TAPT1: variants seen among roughly 807,000 people sequenced by gnomAD.
TAPT1 encodes transmembrane anterior posterior transformation protein 1 homolog.
In TAPT1, 28 loss-of-function variants were observed where a neutral mutation model predicts 65.6. The observed-to-expected ratio is 0.43, with a 90% CI of 0.32 to 0.59. The LOEUF (loss-of-function observed/expected upper bound fraction) is 0.59. TAPT1 is among the 20% of genes least tolerant of loss of function. TAPT1 has a pLI of 0.09. For synonymous variants in TAPT1, 278 were observed against 245.2 expected, an observed-to-expected ratio of 1.13 and a Z score of -1.25; for missense variants, 563 against 679.9, an observed-to-expected ratio of 0.83 and a Z score of 1.91.
chr4:16,174,539 G>A (rs540988903), intron 10 of TAPT1, 131 bp downstream of exon 10: 1 of 782,408 alleles, frequency 1.3e-6, no homozygotes, highest in East Asian at 2.8e-5. Context: ...ATTTAGTGTT[G>A]AGAATAGAGA....
chr4:16,186,778 T>C lies in TAPT1; in HGVS notation c.846+3A>G. 1 of 1,574,516 alleles carries C rather than the reference T, an allele frequency of 6.4e-7. No individual in the cohort carries two copies. The highest frequency in any genetic ancestry group is 8.7e-7 in the Non-Finnish European group (1 of 1,145,996). ...AAAAATGTAAGATAAATCTCATACT[T>C]ACATTATTAGACATCATGATAGTAA... is the stretch of plus-strand genomic sequence containing the variant. On this transcript the variant is annotated splice_donor_region_variant and intron_variant, in intron 6 of 13. Coordinates refer to ENST00000405303, the MANE Select transcript of TAPT1 (RefSeq NM_153365.3).
At chr4:16,181,557 A>G (rs317874) in intron 7 of TAPT1, among the ~76,000 whole-genome samples, 57,688 of 152,066 alleles carry the variant, frequency 0.38, 11,154 homozygotes, top group Middle Eastern at 0.53. Flanking sequence ...ATCTCATTAA[A>G]GGTGTATTTA....
At chr4:16,211,297 T>A (rs1750642090) in intron 2 of TAPT1, among the ~76,000 whole-genome samples, 1 of 152,094 alleles carries the variant, frequency 6.6e-6, no homozygotes, top group South Asian at 2.1e-4. Flanking sequence ...CAATAAAAAA[T>A]TATTTAGGTT....
rs149602110 is a variant in TAPT1, at chr4:16,171,933, C to T, written c.1237-1204G>A. On this transcript the variant is annotated intron_variant, in intron 11 of 13. Transcript: ENST00000405303. ...AAAATCATTTTACGACCCAATGTAA[C>T]GCTTAGAAGAAAAAATTGCCATCCT... Among the ~76,000 whole-genome samples, 518 of 152,060 alleles carry T rather than the reference C, an allele frequency of 3.4e-3. 1 individual carries two copies. The highest frequency in any genetic ancestry group is 9.6e-3 in the African/African-American group (396 of 41,450).
chr4:16,207,054 CAT>C (rs1456457426), intron 2 of TAPT1, among the ~76,000 whole-genome samples: 1 of 152,182 alleles, frequency 6.6e-6, no homozygotes, highest in Non-Finnish European at 1.5e-5. Context: ...GATTCTGAGA[CAT>C]GTGGATCCCT....
intron 9 of TAPT1, 197 bp from the exon 10 acceptor site, chr4:16,174,926 A>C: frequency 2.2e-6 from 1 of 445,614 alleles, no homozygotes; most frequent in Non-Finnish European, 4.0e-6. Flanking sequence ...CCGAACTGTT[A>C]ACATTCATAG....
rs2149664663 is a variant in TAPT1, at chr4:16,166,746, G to A, written c.1361C>T (p.Ser454Leu). The A allele has an allele frequency of 1.2e-6, 2 of 1,613,856 alleles. No individual in the cohort carries two copies. The highest frequency in any genetic ancestry group is 1.7e-6 in the Non-Finnish European group (2 of 1,179,864). The change falls in exon 13 of 14, where the codon TCG becomes TTG. Residue 454 changes from serine (S) to leucine (L), a missense_variant. Around this residue, in one of 5 missense-constraint regions of TAPT1, gnomAD observed 136 missense variants for 153.9 expected, o/e 0.88. Transcript: ENST00000405303. The part of the protein sequence containing the change: ...VLNSIVLLGK[S>L]CQYVKEAKME... ...TTTGGCTTCCTTCACATACTGGCAC[G>A]ATTTCCCCAACAGCACGATGCTATT...
intron 12 of TAPT1, among the ~76,000 whole-genome samples, chr4:16,167,118 C>T (rs1747692982): frequency 6.6e-6 from 1 of 151,646 alleles, no homozygotes; most frequent in South Asian, 2.1e-4. Flanking sequence ...CTCAGCCTCC[C>T]AAGTAGCTGG....
chr4:16,197,715 G>C (rs1749799833), intron 3 of TAPT1, among the ~76,000 whole-genome samples: 1 of 152,164 alleles, frequency 6.6e-6, no homozygotes, highest in African/African-American at 2.4e-5. Context: ...TGTTTTATAT[G>C]TCATGAATCA....
chr4:16,207,936 C>T (rs1304442685), intron 2 of TAPT1, among the ~76,000 whole-genome samples: 1 of 151,970 alleles, frequency 6.6e-6, no homozygotes, highest in African/African-American at 2.4e-5. Flanking sequence ...AATGAATTGC[C>T]AAAAAGCACA....
chr4:16,207,554 T>G (rs566881001), intron 2 of TAPT1, among the ~76,000 whole-genome samples: 3 of 152,334 alleles, frequency 2.0e-5, no homozygotes, highest in African/African-American at 7.2e-5. Context: ...CAATGAATCA[T>G]GCACTATTAG....
chr4:16,226,252 G>A lies in TAPT1; in HGVS notation c.199+7C>T. 1.3e-5 allele frequency: 15 copies of A among 1,118,304 alleles called. No individual in the cohort carries two copies. Among genetic ancestry groups the A allele is most frequent in the Non-Finnish European group, 1.6e-5 (15 of 916,094 alleles). 69.3% of individuals were successfully genotyped at this position (1,118,304 alleles called of 1,614,324 possible). On this transcript the variant is annotated splice_region_variant and intron_variant, in intron 1 of 13. Transcript: ENST00000405303. ...AGCCCGCCACGGCCTAGCGCCGCCC[G>A]CCTCACCTGTGCGGCCCCGGCGCCT...
rs768047657 is a variant in TAPT1, at chr4:16,186,860, A to T, written c.767T>A (p.Ile256Lys). 3 of 1,610,638 alleles carry T rather than the reference A, an allele frequency of 1.9e-6. No homozygotes were observed. Among genetic ancestry groups the T allele is most frequent in the Non-Finnish European group, 2.5e-6 (3 of 1,177,642 alleles). The change falls in exon 6 of 14, where the codon ATA becomes AAA. Residue 256 changes from isoleucine (I) to lysine (K), a missense_variant. Physicochemically the swap from Ile to Lys is moderately radical, Grantham distance 102. Coordinates refer to ENST00000405303, the MANE Select transcript of TAPT1 (RefSeq NM_153365.3). ...ATTGAGAGTTGTTGCTTGAACCATTATAAGAATTGCATGCAAAACTAATAG... is the reference window on the plus strand; with the variant it reads ...ATTGAGAGTTGTTGCTTGAACCATTTTAAGAATTGCATGCAAAACTAATAG... ...VLYVFLHAILIMVQATTLNVA... is the reference protein window; with the variant it reads ...VLYVFLHAILKMVQATTLNVA...
intron 2 of TAPT1, among the ~76,000 whole-genome samples, chr4:16,212,474 TA>T (rs935204709): frequency 1.3e-5 from 2 of 152,178 alleles, no homozygotes; most frequent in African/African-American, 2.4e-5. Flanking sequence ...TTTTTCCAAG[TA>T]AAAGAAACAT....
intron 3 of TAPT1, among the ~76,000 whole-genome samples, chr4:16,197,286 C>T (rs1203407429): frequency 6.6e-6 from 1 of 152,164 alleles, no homozygotes; most frequent in East Asian, 1.9e-4. Context: ...ATTTTAGTTG[C>T]TCTAATAGTA....
At chr4:16,211,415 T>A (rs1750649007) in intron 2 of TAPT1, among the ~76,000 whole-genome samples, 1 of 152,194 alleles carries the variant, frequency 6.6e-6, no homozygotes. Context: ...CATGCAGTTA[T>A]GAGAGATATT....
chr4:16,191,289 G>GGTA lies in TAPT1; in HGVS notation c.612+69_612+71dup. On this transcript the variant is annotated intron_variant, in intron 4 of 13. Coordinates refer to ENST00000405303, the MANE Select transcript of TAPT1 (RefSeq NM_153365.3). Reference sequence around the variant, plus strand: ...GTCGGTAGAGCATTCTTGACTCTCAGGTACCTTCAGAACTGAAGACTTGAA... The same window carrying GGTA: ...GTCGGTAGAGCATTCTTGACTCTCAGGTAGTACCTTCAGAACTGAAGACTTGAA... The GGTA allele has an allele frequency of 2.1e-6, 3 of 1,455,730 alleles. No homozygotes were observed. In the East Asian group the frequency reaches 7.4e-5, roughly 36 times the overall value. 90.2% of individuals were successfully genotyped at this position (1,455,730 alleles called of 1,614,324 possible).
intron 12 of TAPT1, among the ~76,000 whole-genome samples, chr4:16,168,646 T>C (rs1260005225): frequency 1.3e-5 from 2 of 152,270 alleles, no homozygotes; most frequent in African/African-American, 4.8e-5. Flanking sequence ...GCCTCTCCCA[T>C]TCATCTCCTC....
Position 16,163,259 on chromosome 4 carries a change from G to T in TAPT1, c.*49C>A. On this transcript the variant is annotated 3_prime_UTR_variant, in exon 14 of 14. Coordinates refer to ENST00000405303, the MANE Select transcript of TAPT1 (RefSeq NM_153365.3). ...AGCATCTATTTGTCCTGGCAACACAGCACTTGTTGCCCCAGGACCCAGCTT... is the reference window on the plus strand; with the variant it reads ...AGCATCTATTTGTCCTGGCAACACATCACTTGTTGCCCCAGGACCCAGCTT... 2 of 1,327,384 alleles carry T rather than the reference G, an allele frequency of 1.5e-6. No homozygotes were observed. Among genetic ancestry groups the T allele is most frequent in the Non-Finnish European group, 2.2e-6 (2 of 919,594 alleles). The allele number at this position is 1,327,384 out of a possible 1,614,324, so 82.2% of individuals were successfully genotyped here.
Sources: gnomAD v4.1 joint callset for allele counts (sites outside exome capture counted in the v4.1 genomes callset) on GRCh38, gnomAD v4.1.1 for gene constraint, gnomAD v4.1.1 regional missense constraint, MANE v1.5 for transcripts, NCBI Gene and HGNC (gene_info 2026-07-23, HGNC 2026-07-21) for gene names.